Variants in KIAA1671 observed in about 807,000 individuals in gnomAD.
KIAA1671 encodes the protein uncharacterized protein KIAA1671.
A neutral mutation model predicts 131.2 loss-of-function variants in KIAA1671; 52 were observed. The observed-to-expected ratio is 0.40, with a 90% CI of 0.32 to 0.50. The LOEUF (loss-of-function observed/expected upper bound fraction) is 0.50, where lower values mean the gene tolerates loss of function less well. Among genes scored for constraint, KIAA1671 ranks in the 20% least tolerant of loss-of-function variants. The pLI is 0.73. For missense variants in KIAA1671, 2,360 were observed against 2,364.2 expected (o/e 1.00, Z 0.04); for synonymous variants, 1,003 against 961.6 (o/e 1.04, Z -0.80).
chr22:25,155,907 A>C (rs1471799745), intron 6 of KIAA1671, among the ~76,000 whole-genome samples: 2 of 145,292 alleles, frequency 1.4e-5, no homozygotes, highest in East Asian at 4.0e-4. Flanking sequence ...GTATGTATAT[A>C]GTTTTTTTGT....
intron 6 of KIAA1671, among the ~76,000 whole-genome samples, chr22:25,084,873 C>T (rs1041879674): frequency 2.0e-5 from 3 of 152,354 alleles, no homozygotes; most frequent in Non-Finnish European, 4.4e-5. Context: ...GACTGTCAAC[C>T]AGAGCACTGA....
chr22:25,089,915 G>C (rs566175898), intron 6 of KIAA1671, among the ~76,000 whole-genome samples: 35 of 152,196 alleles, frequency 2.3e-4, no homozygotes, highest in Non-Finnish European at 3.2e-4. Flanking sequence ...TTCTAGGTGG[G>C]CTGGGACTGG....
chr22:25,144,632 A>T (rs911987093), intron 6 of KIAA1671, among the ~76,000 whole-genome samples: 2 of 152,186 alleles, frequency 1.3e-5, no homozygotes, highest in Non-Finnish European at 2.9e-5. Flanking sequence ...ACAAACCCTA[A>T]ACAAATATTT....
chr22:25,115,314 G>T (rs1201490511), intron 6 of KIAA1671, among the ~76,000 whole-genome samples: 1 of 152,180 alleles, frequency 6.6e-6, no homozygotes, highest in African/African-American at 2.4e-5. Context: ...AATAAAAGCG[G>T]GAAGTGGGGG....
At chr22:24,964,710 A>C (rs927835079) in intron 1 of KIAA1671, among the ~76,000 whole-genome samples, 8 of 152,180 alleles carry the variant, frequency 5.3e-5, no homozygotes, top group African/African-American at 1.9e-4. Context: ...GGTCTGAGCC[A>C]CCATGCCCTA....
In KIAA1671 at chr22:24,985,357, C is replaced by T. The variant is rs1295914410; in HGVS notation, c.-208+32585C>T. Among the ~76,000 whole-genome samples the T allele has an allele frequency of 1.1e-4, 16 of 143,794 alleles. No homozygotes were observed. In the South Asian group the frequency reaches 2.8e-3, roughly 25 times the overall value. 94.3% of individuals were successfully genotyped at this position (143,794 alleles called of 152,430 possible). A position where few individuals can be genotyped will look rare whatever the true frequency, so the allele number is the denominator to read the frequency against. On this transcript the variant is annotated intron_variant, in intron 1 of 12. Coordinates refer to ENST00000358431, the MANE Select transcript of KIAA1671 (RefSeq NM_001145206.2). ...TTTTGTTTCTTTCTTTTTTTTTTTT[C>T]GAGACAGAGTCTCGCTCTGTCACCC...
chr22:25,019,692 A>T (rs1315195059), intron 1 of KIAA1671, among the ~76,000 whole-genome samples: 1 of 152,124 alleles, frequency 6.6e-6, no homozygotes, highest in African/African-American at 2.4e-5. Context: ...TACAAAAAAA[A>T]AAAAATCCCT....
chr22:25,105,210 TG>T (rs930836169), intron 6 of KIAA1671, among the ~76,000 whole-genome samples: 26 of 152,088 alleles, frequency 1.7e-4, no homozygotes, highest in African/African-American at 6.0e-4. Flanking sequence ...TTAGTAGATA[TG>T]GGGTTTCGCC....
intron 1 of KIAA1671, among the ~76,000 whole-genome samples, chr22:25,006,925 C>T (rs957174574): frequency 5.3e-5 from 8 of 152,154 alleles, no homozygotes; most frequent in Non-Finnish European, 2.9e-5. Flanking sequence ...TCTGCAAAGT[C>T]CCTTTTGCTA....
intron 6 of KIAA1671, among the ~76,000 whole-genome samples, chr22:25,117,003 G>T (rs927641125): frequency 6.6e-6 from 1 of 152,158 alleles, no homozygotes; most frequent in African/African-American, 2.4e-5. Context: ...GCTGTGGGGG[G>T]TAAGGGGTAG....
chr22:25,084,415 GC>G (rs1205847027), intron 6 of KIAA1671, among the ~76,000 whole-genome samples: 1 of 136,362 alleles, frequency 7.3e-6, no homozygotes, highest in Non-Finnish European at 1.5e-5. Context: ...TGGAGATTGC[GC>G]CAAAGCACTC....
chr22:24,994,756 G>C (rs1924023254), intron 1 of KIAA1671, among the ~76,000 whole-genome samples: 1 of 152,116 alleles, frequency 6.6e-6, no homozygotes, highest in Non-Finnish European at 1.5e-5. Context: ...AGGCATGTAA[G>C]GATCTCTGAG....
rs1930250157 is a variant in KIAA1671 at position 25,093,834 on chromosome 22, GTCTGTCTCTCTCTCTCTCTC to G, written c.4530+44474_4530+44493del. Among the ~76,000 whole-genome samples, 29 of 16,950 alleles carry G rather than the reference GTCTGTCTCTCTCTCTCTCTC, an allele frequency of 1.7e-3. 3 individuals carry two copies. The highest frequency in any genetic ancestry group is 5.5e-3 in the East Asian group (4 of 732). 11.1% of individuals were successfully genotyped at this position (16,950 alleles called of 152,430 possible). On this transcript the variant is annotated intron_variant, in intron 6 of 12. Coordinates refer to ENST00000358431, the MANE Select transcript of KIAA1671 (RefSeq NM_001145206.2). ...TCTGTCTCTCTCTCTTTCTCTCTCT[GTCTGTCTCTCTCTCTCTCTC>G]TCTCTCTCTCTCTCTCTCTCTCTCT...
intron 9 of KIAA1671, 88 bp downstream of exon 9, chr22:25,177,610 G>A: frequency 1.7e-6 from 2 of 1,149,536 alleles, no homozygotes; most frequent in Non-Finnish European, 2.4e-6. Context: ...TCCTGACTTG[G>A]AAGGCTGTAG....
At chr22:25,116,003 T>G (rs1174977395) in intron 6 of KIAA1671, among the ~76,000 whole-genome samples, 2 of 152,148 alleles carry the variant, frequency 1.3e-5, no homozygotes, top group Non-Finnish European at 2.9e-5. Flanking sequence ...CTCGAACTCC[T>G]GACCTCAAGT....
At chr22:25,024,868 C>A (rs1342863003) in intron 1 of KIAA1671, among the ~76,000 whole-genome samples, 1 of 149,070 alleles carries the variant, frequency 6.7e-6, no homozygotes, top group African/African-American at 2.5e-5. Flanking sequence ...AACAGTGTAG[C>A]TATGCTAAGT....
chr22:25,190,556 G>T (rs766625420), intron 11 of KIAA1671, 146 bp from the exon 12 acceptor site: 7 of 627,756 alleles, frequency 1.1e-5, no homozygotes, highest in East Asian at 8.4e-5. Context: ...TATCAGTCCC[G>T]TTAATATGGG....
At chr22:25,124,942 G>A (rs1932108782) in intron 6 of KIAA1671, among the ~76,000 whole-genome samples, 1 of 152,004 alleles carries the variant, frequency 6.6e-6, no homozygotes, top group Non-Finnish European at 1.5e-5. Flanking sequence ...AGTTTTTGTA[G>A]AGATGGGGGT....
At chr22:25,081,187 C>T (rs1399055587) in intron 6 of KIAA1671, among the ~76,000 whole-genome samples, 1 of 152,160 alleles carries the variant, frequency 6.6e-6, no homozygotes, top group Non-Finnish European at 1.5e-5. Flanking sequence ...ACTATTTGCC[C>T]TCTCTGGGAC....
Sources: allele counts gnomAD v4.1 joint callset (sites outside exome capture counted in the v4.1 genomes callset), GRCh38; gene constraint gnomAD v4.1.1; transcripts MANE v1.5; gene names NCBI Gene and HGNC (gene_info 2026-07-23, HGNC 2026-07-21).